Variants in SLC6A6 observed in about 807,000 individuals in gnomAD.
The protein encoded by SLC6A6 is sodium- and chloride-dependent taurine transporter.
Under a neutral mutation model 68.8 loss-of-function variants are expected in SLC6A6, and 16 were observed. That is an observed-to-expected ratio of 0.23 (90% confidence interval 0.16 to 0.35). SLC6A6 has a LOEUF of 0.35. Among genes scored for constraint, SLC6A6 ranks in the 10% least tolerant of loss-of-function variants. SLC6A6 has a pLI of 1.00. For synonymous variants in SLC6A6, 312 were observed against 315.4 expected (o/e 0.99, Z 0.12); for missense variants, 474 against 802.8 (o/e 0.59, Z 4.95).
At chr3:14,467,002 C>T (rs1415286037) in intron 7 of SLC6A6, among the ~76,000 whole-genome samples, 1 of 152,228 alleles carries the variant, frequency 6.6e-6, no homozygotes, top group East Asian at 1.9e-4. Flanking sequence ...AGGGCTGCTG[C>T]ATCCTGGGGA....
chr3:14,404,860 G>T (rs1042473730), intron 1 of SLC6A6, among the ~76,000 whole-genome samples: 3 of 152,216 alleles, frequency 2.0e-5, no homozygotes, highest in Admixed American at 1.3e-4. Flanking sequence ...TTTGTCCTTT[G>T]GGGACACCCT....
At chr3:14,465,380 G>A (rs1310988106) in intron 6 of SLC6A6, among the ~76,000 whole-genome samples, 6 of 152,204 alleles carry the variant, frequency 3.9e-5, no homozygotes, top group African/African-American at 1.4e-4. Flanking sequence ...CCAGAGGCCC[G>A]GTGAAGCGGG....
At chr3:14,458,960 A>G (rs959958287) in intron 6 of SLC6A6, among the ~76,000 whole-genome samples, 5 of 152,254 alleles carry the variant, frequency 3.3e-5, no homozygotes, top group African/African-American at 9.6e-5. Context: ...ATGTTAACCC[A>G]TAACTGAAAT....
rs1207711026 is a variant in SLC6A6 at position 14,468,858 on chromosome 3, C to G, written c.1096+646C>G. ...GACCAGGCACTCTTCCTCGGGCTAC[C>G]TGGAGTCACAGGCATGGAGGATGCC... On this transcript the variant is annotated intron_variant, in intron 9 of 14. Transcript: ENST00000622186. The surrounding 1 kb of genome is among the most constrained non-coding windows in gnomAD (Gnocchi z 4.5). 6.6e-6 allele frequency among the ~76,000 whole-genome samples: 1 copy of G among 152,152 alleles called. No homozygotes were observed. The highest frequency in any genetic ancestry group is 1.9e-4 in the East Asian group (1 of 5,194).
At position 14,433,514 on chromosome 3, in the gene SLC6A6, A is replaced by G. The variant is rs529492033; in HGVS notation, c.-11-10110A>G. Among the ~76,000 whole-genome samples, 31 of 152,254 alleles carry G rather than the reference A, an allele frequency of 2.0e-4. 1 individual carries two copies. The South Asian group carries it at 6.2e-3, about 31-fold the overall frequency. ...AACGACTCTACAGGCCCCACCAGAA[A>G]GTGTTAGCTGAGCACGGTAGCTCCC... On this transcript the variant is annotated intron_variant, in intron 2 of 14. Transcript: ENST00000622186.
At chr3:14,458,167 C>A in intron 6 of SLC6A6, 85 bp downstream of exon 6, 1 of 1,299,620 alleles carries the variant, frequency 7.7e-7, no homozygotes, top group Non-Finnish European at 1.1e-6. Context: ...TGCAATTAGC[C>A]ACGCCCCAAG....
At chr3:14,451,043 C>T (rs1047320226) in intron 5 of SLC6A6, among the ~76,000 whole-genome samples, 1 of 152,176 alleles carries the variant, frequency 6.6e-6, no homozygotes, top group Non-Finnish European at 1.5e-5. Context: ...CCCATGGGAC[C>T]CCCATCACTC....
At chr3:14,430,898 A>G (rs539659200) in intron 2 of SLC6A6, among the ~76,000 whole-genome samples, 26 of 152,196 alleles carry the variant, frequency 1.7e-4, no homozygotes, top group Middle Eastern at 3.4e-3. Context: ...CTGATCTGCT[A>G]TGTGGCCTGG....
At chr3:14,416,941 T>C (rs2124905948) in intron 2 of SLC6A6, among the ~76,000 whole-genome samples, 1 of 152,294 alleles carries the variant, frequency 6.6e-6, no homozygotes, top group African/African-American at 2.4e-5. Flanking sequence ...TCTCCCCAGG[T>C]TCAGGTGATC....
chr3:14,420,892 A>G lies in SLC6A6; in HGVS notation c.-12+4439A>G, dbSNP rs375380921. 1.2e-4 allele frequency among the ~76,000 whole-genome samples: 19 copies of G among 152,320 alleles called. No homozygotes were observed. The East Asian group carries it at 2.5e-3, about 20-fold the overall frequency. Reference sequence around the variant, plus strand: ...GTAGATTTAAAGTGTTGTGCCGCCAATTTCCCGAACTTTTTTGTCTGGCAA... The same window carrying G: ...GTAGATTTAAAGTGTTGTGCCGCCAGTTTCCCGAACTTTTTTGTCTGGCAA... On this transcript the variant is annotated intron_variant, in intron 2 of 14. Transcript: ENST00000622186.
In SLC6A6 at chr3:14,468,819, GT is replaced by G. The variant is rs1700687497; in HGVS notation, c.1096+608del. On this transcript the variant is annotated intron_variant, in intron 9 of 14. Transcript: ENST00000622186. The surrounding 1 kb of genome is among the most constrained non-coding windows in gnomAD (Gnocchi z 4.5). The stretch of plus-strand genomic sequence containing the variant: ...TGTAAGCACAGTGTCGCCCCTCGGG[GT>G]GTGGGCCCTGTTGACCAGGCACTCT... 6.6e-6 allele frequency among the ~76,000 whole-genome samples: 1 copy of G among 152,158 alleles called. No individual in the cohort carries two copies. The highest frequency in any genetic ancestry group is 6.5e-5 in the Admixed American group (1 of 15,282).
At chr3:14,430,837 C>T (rs570507628) in intron 2 of SLC6A6, among the ~76,000 whole-genome samples, 1 of 152,364 alleles carries the variant, frequency 6.6e-6, no homozygotes, top group African/African-American at 2.4e-5. Flanking sequence ...CCCTCCAGCT[C>T]TGATGGGGCC....
chr3:14,412,662 T>TA (rs1254159643), intron 1 of SLC6A6, among the ~76,000 whole-genome samples: 1 of 152,172 alleles, frequency 6.6e-6, no homozygotes, highest in Non-Finnish European at 1.5e-5. Context: ...ACAGCAGGCC[T>TA]AAGTGGGGCC....
rs1700337287 is a variant in SLC6A6 at position 14,454,980 on chromosome 3, C to T, written c.600-2970C>T. 2.0e-5 allele frequency among the ~76,000 whole-genome samples: 3 copies of T among 152,228 alleles called. No individual in the cohort carries two copies. In the South Asian group the frequency reaches 6.2e-4, roughly 31 times the overall value. On this transcript the variant is annotated intron_variant, in intron 5 of 14. Coordinates refer to ENST00000622186, the MANE Select transcript of SLC6A6 (RefSeq NM_003043.6). ...AGAACTTTCCTGTTTTACACCGCTGCATTGTATTCCAGTGTGTGCCTGCTC... is the reference window on the plus strand; with the variant it reads ...AGAACTTTCCTGTTTTACACCGCTGTATTGTATTCCAGTGTGTGCCTGCTC...
intron 6 of SLC6A6, among the ~76,000 whole-genome samples, chr3:14,463,402 C>T (rs905387733): frequency 1.3e-5 from 2 of 152,248 alleles, no homozygotes; most frequent in Non-Finnish European, 1.5e-5. Context: ...AAACTAACTA[C>T]GTGAAAACAA....
rs114043647 is a variant in SLC6A6 at position 14,456,837 on chromosome 3, A to G, written c.600-1113A>G. On this transcript the variant is annotated intron_variant, in intron 5 of 14. Transcript: ENST00000622186. ...ATTAGAAGGAAACTCAGCTTCTTCC[A>G]GGGGTTCGCAAACACCCTGGAGCAT... Among the ~76,000 whole-genome samples the G allele has an allele frequency of 8.2e-3, 1,242 of 152,340 alleles. 19 individuals carry two copies. Among genetic ancestry groups the G allele is most frequent in the African/African-American group, 0.028 (1,175 of 41,580 alleles).
At chr3:14,456,163 A>G (rs990026686) in intron 5 of SLC6A6, among the ~76,000 whole-genome samples, 2 of 152,242 alleles carry the variant, frequency 1.3e-5, no homozygotes, top group African/African-American at 2.4e-5. Context: ...TCCTGGGATC[A>G]GATGAGATAA....
intron 2 of SLC6A6, among the ~76,000 whole-genome samples, chr3:14,425,181 C>T (rs899419593): frequency 3.9e-5 from 6 of 152,164 alleles, no homozygotes; most frequent in Admixed American, 2.6e-4. Context: ...GTGTAATTCA[C>T]GACGATGACC....
intron 9 of SLC6A6, among the ~76,000 whole-genome samples, chr3:14,469,806 C>T (rs185554974): frequency 8.5e-5 from 13 of 152,140 alleles, no homozygotes; most frequent in Non-Finnish European, 1.9e-4. Context: ...CATCCTGAGA[C>T]CCCTGACAAC....
Sources: gnomAD v4.1 joint callset for allele counts (sites outside exome capture counted in the v4.1 genomes callset) on GRCh38, gnomAD v4.1.1 for gene constraint, Gnocchi (gnomAD v3.1) non-coding constraint, MANE v1.5 for transcripts, NCBI Gene and HGNC (gene_info 2026-07-23, HGNC 2026-07-21) for gene names.